ADRA1A: variants seen among roughly 807,000 people sequenced by gnomAD.
ADRA1A encodes the protein adrenoceptor alpha 1A.
A neutral mutation model predicts 29.6 loss-of-function variants in ADRA1A; 31 were observed. The observed-to-expected ratio is 1.05, with a 90% CI of 0.79 to 1.41. ADRA1A has a LOEUF of 1.41. Ranked by LOEUF, ADRA1A falls within the 40% of genes most tolerant of loss-of-function variation. The pLI is 0.00. For synonymous variants in ADRA1A, 311 were observed against 254.3 expected, an observed-to-expected ratio of 1.22 and a Z score of -2.12; for missense variants, 619 against 601.1, an observed-to-expected ratio of 1.03 and a Z score of -0.31.
At position 26,865,280 on chromosome 8, in the gene ADRA1A, G is replaced by A. The variant is rs933730274; in HGVS notation, c.-311C>T. 8.1e-7 allele frequency: 1 copy of A among 1,240,570 alleles called. No individual in the cohort carries two copies. The highest frequency in any genetic ancestry group is 1.0e-6 in the Non-Finnish European group (1 of 988,586). The allele number at this position is 1,240,570 out of a possible 1,614,324, so 76.8% of individuals were successfully genotyped here. On this transcript the variant is annotated 5_prime_UTR_variant, in exon 2 of 3. Transcript: ENST00000380573. This position sits in a 1 kb window ranked among gnomAD's most constrained non-coding sequence, Gnocchi z 7.6. ...CCGGACTCCCTCCCTACCCGAAGCT[G>A]GGTGCGAAGATCCAGGAGACTCCTT...
At position 26,831,130 on chromosome 8, in the gene ADRA1A, C is replaced by T. The variant is rs942189446; in HGVS notation, c.883+32957G>A. On this transcript the variant is annotated intron_variant, in intron 2 of 2. Transcript: ENST00000380573. This position sits in a 1 kb window ranked among gnomAD's most constrained non-coding sequence, Gnocchi z 5.2. ...TGGAGCTGTAACCTAATCACATATCCTTGGCAGCAAAGGCAAGATCCCCTG... is the reference window on the plus strand; with the variant it reads ...TGGAGCTGTAACCTAATCACATATCTTTGGCAGCAAAGGCAAGATCCCCTG... Among the ~76,000 whole-genome samples, 33 of 152,136 alleles carry T rather than the reference C, an allele frequency of 2.2e-4. No individual in the cohort carries two copies. The highest frequency in any genetic ancestry group is 2.8e-4 in the Non-Finnish European group (19 of 68,028).
chr8:26,772,519 T>C (rs1171470818), intron 2 of ADRA1A, among the ~76,000 whole-genome samples: 1 of 152,214 alleles, frequency 6.6e-6, no homozygotes, highest in Non-Finnish European at 1.5e-5. Context: ...CCTTTGGGCC[T>C]CCAGTTTTCT....
chr8:26,771,552 T>G (rs1806146581), intron 2 of ADRA1A, among the ~76,000 whole-genome samples: 1 of 152,256 alleles, frequency 6.6e-6, no homozygotes, highest in East Asian at 1.9e-4. Flanking sequence ...GCGCAGAGAC[T>G]GCCACAGGGC....
intron 2 of ADRA1A, among the ~76,000 whole-genome samples, chr8:26,807,316 G>A (rs1001386100): frequency 6.6e-6 from 1 of 152,014 alleles, no homozygotes; most frequent in Non-Finnish European, 1.5e-5. Context: ...ATAATAAGAA[G>A]GTACAAGAAT....
intron 2 of ADRA1A, among the ~76,000 whole-genome samples, chr8:26,857,752 A>G (rs1263646204): frequency 1.3e-5 from 2 of 152,188 alleles, no homozygotes; most frequent in African/African-American, 2.4e-5. Flanking sequence ...CATGAGAACT[A>G]GGGAACTGCT....
At chr8:26,861,590 G>C (rs1178501806) in intron 2 of ADRA1A, among the ~76,000 whole-genome samples, 1 of 152,074 alleles carries the variant, frequency 6.6e-6, no homozygotes, top group Non-Finnish European at 1.5e-5. Flanking sequence ...TCTATGTAAA[G>C]TGTATAACTC....
At chr8:26,816,528 GGTGTATGTGTGTGTGTGTGTGT>G (rs1422223796) in intron 2 of ADRA1A, among the ~76,000 whole-genome samples, 31 of 120,728 alleles carry the variant, frequency 2.6e-4, no homozygotes, top group African/African-American at 9.1e-4. Flanking sequence ...AGGTGCTCAT[GGTGTATGTGTGTGTGTGTGTGT>G]GTGTGTGTGT....
At chr8:26,753,866 T>C (rs1022967973), downstream of ADRA1A, among the ~76,000 whole-genome samples, 1 of 152,168 alleles carries the variant, frequency 6.6e-6, no homozygotes, top group African/African-American at 2.4e-5. Context: ...CATATCAATA[T>C]TGAACAACAC....
chr8:26,864,959 A>G lies in ADRA1A; in HGVS notation c.11T>C (p.Leu4Pro). The G allele has an allele frequency of 2.5e-6, 4 of 1,605,126 alleles. No individual in the cohort carries two copies. Among genetic ancestry groups the G allele is most frequent in the Non-Finnish European group, 3.4e-6 (4 of 1,177,610 alleles). The change falls in exon 2 of 3, where the codon CTC (leucine) becomes CCC (proline). Residue 4 changes from leucine (L) to proline (P), a missense_variant. Physicochemically the swap from Leu to Pro is moderately conservative, Grantham distance 98. Coordinates refer to ENST00000380573, the MANE Select transcript of ADRA1A (RefSeq NM_000680.4). This position sits in a 1 kb window ranked among gnomAD's most constrained non-coding sequence, Gnocchi z 8.1. ...GGAGCTGTCGGAAGCATTTCCCGAGAGAAACACCATGGTCCCAGCCGGGGC... is the reference window on the plus strand; with the variant it reads ...GGAGCTGTCGGAAGCATTTCCCGAGGGAAACACCATGGTCCCAGCCGGGGC... MVF[L>P]SGNASDSSNC...
chr8:26,758,975 T>C (rs1490217205), intron 2 of ADRA1A, among the ~76,000 whole-genome samples: 1 of 152,262 alleles, frequency 6.6e-6, no homozygotes, highest in African/African-American at 2.4e-5. Context: ...TAGTGGATAC[T>C]CTGAAAATAC....
downstream of ADRA1A, among the ~76,000 whole-genome samples, chr8:26,768,508 G>A (rs371366519): frequency 3.9e-5 from 6 of 152,222 alleles, no homozygotes; most frequent in African/African-American, 1.2e-4. Flanking sequence ...TCTGAAATCC[G>A]AAATGCTCTA....
rs181128758 is a variant in ADRA1A at position 26,805,873 on chromosome 8, G to C, written c.884-35207C>G. ...ATTAACAGAGCCAAAGCCAAGTGAC[G>C]TTGGCCCTTGATAAAGACACAGCTT... On this transcript the variant is annotated intron_variant, in intron 2 of 2. Transcript: ENST00000380573. This position sits in a 1 kb window ranked among gnomAD's most constrained non-coding sequence, Gnocchi z 4.8. 1.3e-5 allele frequency among the ~76,000 whole-genome samples: 2 copies of C among 152,034 alleles called. No homozygotes were observed. The highest frequency in any genetic ancestry group is 2.9e-5 in the Non-Finnish European group (2 of 68,004).
chr8:26,864,509 G>A lies in ADRA1A; in HGVS notation c.461C>T (p.Ser154Phe), dbSNP rs890568698. Residue 154 changes from serine to phenylalanine, a missense_variant, in exon 2 of 3, where the codon TCC becomes TTC. Transcript: ENST00000380573. This position sits in a 1 kb window ranked among gnomAD's most constrained non-coding sequence, Gnocchi z 8.1. The stretch of plus-strand genomic sequence containing the variant: ...CAGGGGTCCAATGGATATGACCAGG[G>A]AGAGTGCCCAGACGCAGAGCAGAGC... ...LMALLCVWAL[S>F]LVISIGPLFG... 32 of 1,613,896 alleles carry A rather than the reference G, an allele frequency of 2.0e-5. No homozygotes were observed. The highest frequency in any genetic ancestry group is 2.7e-5 in the Non-Finnish European group (32 of 1,180,050).
chr8:26,755,614 A>G (rs149676767), downstream of ADRA1A, among the ~76,000 whole-genome samples: 59 of 152,152 alleles, frequency 3.9e-4, no homozygotes, highest in African/African-American at 1.4e-3. Flanking sequence ...TCCCCACCCC[A>G]TTGTGTCCTC....
chr8:26,853,607 C>A (rs1812789993), intron 2 of ADRA1A: 1 of 151,974 alleles, frequency 6.6e-6, no homozygotes, highest in African/African-American at 2.4e-5. Flanking sequence ...TGTGGTTTTC[C>A]AAATAAGAAA....
chr8:26,846,342 C>G (rs181020712), intron 2 of ADRA1A, among the ~76,000 whole-genome samples: 1 of 152,214 alleles, frequency 6.6e-6, no homozygotes, highest in South Asian at 2.1e-4. Flanking sequence ...AATCTTGGCA[C>G]TATTGCCATT....
At chr8:26,840,397 C>T (rs1811731327) in intron 2 of ADRA1A, among the ~76,000 whole-genome samples, 1 of 152,174 alleles carries the variant, frequency 6.6e-6, no homozygotes, top group South Asian at 2.1e-4. Context: ...CTTTGTGACA[C>T]AGTCGAGCCC....
At chr8:26,822,459 A>G (rs1243980749) in intron 2 of ADRA1A, among the ~76,000 whole-genome samples, 1 of 152,234 alleles carries the variant, frequency 6.6e-6, no homozygotes, top group Non-Finnish European at 1.5e-5. Flanking sequence ...AAGTCACTTA[A>G]ATTAAAATAG....
intron 2 of ADRA1A, among the ~76,000 whole-genome samples, chr8:26,809,785 G>A (rs1381563246): frequency 6.6e-6 from 1 of 152,158 alleles, no homozygotes; most frequent in Admixed American, 6.5e-5. Context: ...TATTGATTTA[G>A]CCTCAATAAA....
Sources: gnomAD v4.1 joint callset for allele counts (sites outside exome capture counted in the v4.1 genomes callset) on GRCh38, gnomAD v4.1.1 for gene constraint, Gnocchi (gnomAD v3.1) non-coding constraint, MANE v1.5 for transcripts, NCBI Gene and HGNC (gene_info 2026-07-23, HGNC 2026-07-21) for gene names.